The following BLTP3B variants were observed in gnomAD, a reference collection of about 807,000 sequenced individuals.
BLTP3B encodes UHRF1 (ICBP90) binding protein 1-like.
the BLTP3B span, chr12:100,108,679 G>T: frequency 1.4e-6 from 1 of 693,048 alleles, no homozygotes; most frequent in Non-Finnish European, 2.3e-6. Flanking sequence ...ACGACAAATG[G>T]ATAAAGAAAA....
chr12:100,118,034 A>C, the BLTP3B span, among the ~76,000 whole-genome samples: 1 of 152,194 alleles, frequency 6.6e-6, no homozygotes, highest in Non-Finnish European at 1.5e-5. Flanking sequence ...GAGCAACCAA[A>C]GATATCTTGA....
the BLTP3B span, among the ~76,000 whole-genome samples, chr12:100,061,085 TACAA>T: frequency 1.3e-5 from 2 of 152,148 alleles, no homozygotes; most frequent in African/African-American, 4.8e-5. Context: ...ATGAGACATA[TACAA>T]ACAGAGAAAA....
chr12:100,089,124 T>G, the BLTP3B span: 1 of 1,435,778 alleles, frequency 7.0e-7, no homozygotes, highest in African/African-American at 1.5e-5. Flanking sequence ...GCCTTATCAC[T>G]GCCAATTTAA....
the BLTP3B span, among the ~76,000 whole-genome samples, chr12:100,074,462 G>A: frequency 4.6e-5 from 7 of 152,018 alleles, no homozygotes; most frequent in Admixed American, 6.6e-5. Flanking sequence ...AGCTGGGCGT[G>A]GTGGCACACG....
the BLTP3B span, among the ~76,000 whole-genome samples, chr12:100,120,026 G>T: frequency 1.3e-5 from 2 of 152,222 alleles, no homozygotes; most frequent in Non-Finnish European, 2.9e-5. Flanking sequence ...TTTGAAAAAA[G>T]ACTTGTACCT....
At chr12:100,098,913 T>TATAAACAGATAG in the BLTP3B span, among the ~76,000 whole-genome samples, 1 of 111,130 alleles carries the variant, frequency 9.0e-6, no homozygotes, top group African/African-American at 5.7e-5. Flanking sequence ...TGTCTAAAAA[T>TATAAACAGATAG]ATAGACAGAT....
At chr12:100,047,849 A>C in the BLTP3B span, 1 of 1,219,244 alleles carries the variant, frequency 8.2e-7, no homozygotes, top group Non-Finnish European at 1.1e-6. Context: ...ATGCTGATAG[A>C]ATATATTTTA....
the BLTP3B span, among the ~76,000 whole-genome samples, chr12:100,130,588 T>C: frequency 6.6e-6 from 1 of 152,282 alleles, no homozygotes; most frequent in Admixed American, 6.5e-5. Context: ...TTATAGTGCA[T>C]TTCAGTTATA....
chr12:100,058,874 T>C, the BLTP3B span: 3 of 1,613,830 alleles, frequency 1.9e-6, no homozygotes, highest in African/African-American at 4.0e-5. Context: ...TATCTGCCTC[T>C]GACGAGGAAG....
At chr12:100,069,720 AG>A in the BLTP3B span, among the ~76,000 whole-genome samples, 1 of 151,998 alleles carries the variant, frequency 6.6e-6, no homozygotes, top group East Asian at 1.9e-4. Context: ...AAGGGTGGGA[AG>A]GGGGTGAGGG....
At chr12:100,045,023 C>T in the BLTP3B span, among the ~76,000 whole-genome samples, 21 of 152,056 alleles carry the variant, frequency 1.4e-4, no homozygotes, top group African/African-American at 5.1e-4. Context: ...AATAAAATAC[C>T]TAGGAATCCA....
chr12:100,074,663 C>T, the BLTP3B span, among the ~76,000 whole-genome samples: 1 of 149,890 alleles, frequency 6.7e-6, no homozygotes, highest in South Asian at 2.1e-4. Flanking sequence ...TATCAAACTA[C>T]AAACATCATT....
the BLTP3B span, among the ~76,000 whole-genome samples, chr12:100,094,678 G>A: frequency 6.6e-6 from 1 of 152,166 alleles, no homozygotes; most frequent in South Asian, 2.1e-4. Context: ...CCAACACAGC[G>A]AAACTCCATC....
At chr12:100,062,275 A>T in the BLTP3B span, among the ~76,000 whole-genome samples, 6 of 152,240 alleles carry the variant, frequency 3.9e-5, no homozygotes. Context: ...TAAAACTGCA[A>T]GCGTACAAGC....
the BLTP3B span, among the ~76,000 whole-genome samples, chr12:100,124,978 A>ATATATATTTTTT: frequency 2.0e-5 from 2 of 99,260 alleles, no homozygotes; most frequent in African/African-American, 1.1e-4. Flanking sequence ...ATATATATAT[A>ATATATATTTTTT]TTTATATTTA....
At chr12:100,044,617 G>T in the BLTP3B span, among the ~76,000 whole-genome samples, 4 of 152,062 alleles carry the variant, frequency 2.6e-5, no homozygotes, top group African/African-American at 9.7e-5. Flanking sequence ...GCAATACACC[G>T]AAAGTAACTA....
chr12:100,088,756 A>G, the BLTP3B span, among the ~76,000 whole-genome samples: 1 of 152,352 alleles, frequency 6.6e-6, no homozygotes, highest in Admixed American at 6.5e-5. Flanking sequence ...TCATACCAAT[A>G]TATGCTTCCA....
chr12:100,111,296 T>C, the BLTP3B span, among the ~76,000 whole-genome samples: 17 of 131,956 alleles, frequency 1.3e-4, no homozygotes, highest in South Asian at 5.3e-4. Flanking sequence ...TTTTTTTTTT[T>C]TTTTTTTGCT....
the BLTP3B span, chr12:100,095,962 T>C: frequency 2.0e-6 from 2 of 978,040 alleles, no homozygotes; most frequent in Non-Finnish European, 2.9e-6. Flanking sequence ...ACACAAGAAG[T>C]ATTTACTGGC....
Sources: allele counts gnomAD v4.1 joint callset (sites outside exome capture counted in the v4.1 genomes callset), GRCh38; gene constraint gnomAD v4.1.1; transcripts MANE v1.5; gene names NCBI Gene and HGNC (gene_info 2026-07-23, HGNC 2026-07-21).